Variants in ADAMTS5 observed in about 807,000 individuals in gnomAD.
ADAMTS5 encodes ADAM metallopeptidase with thrombospondin type 1 motif 5.
A neutral mutation model predicts 81.4 loss-of-function variants in ADAMTS5; 54 were observed. That is an observed-to-expected ratio of 0.66 (90% CI 0.53 to 0.83). The LOEUF is 0.83. Among genes scored for constraint, ADAMTS5 ranks in the 40% least tolerant of loss-of-function variants. The pLI is 0.00. For synonymous variants in ADAMTS5, 532 were observed against 508.8 expected (o/e 1.05, Z -0.61); for missense variants, 1,194 against 1,229.9 (o/e 0.97, Z 0.44).
rs79368861 is a variant in ADAMTS5 at position 26,962,597 on chromosome 21, A to G, written c.1104+2691T>C. On this transcript the variant is annotated intron_variant, in intron 1 of 7. Coordinates refer to ENST00000284987, the MANE Select transcript of ADAMTS5 (RefSeq NM_007038.5). ...ATCCTCGTACATTCGCTTCATGCCT[A>G]AAAAACAAGCAATTTAGGAGAAGAC... 6.3e-3 allele frequency among the ~76,000 whole-genome samples: 958 copies of G among 152,310 alleles called. 8 individuals carry two copies. Among genetic ancestry groups the G allele is most frequent in the African/African-American group, 0.022 (902 of 41,562 alleles).
At chr21:26,928,119 C>A (rs1986837653) in intron 7 of ADAMTS5, among the ~76,000 whole-genome samples, 1 of 151,930 alleles carries the variant, frequency 6.6e-6, no homozygotes, top group Non-Finnish European at 1.5e-5. Flanking sequence ...TTTTATTAAC[C>A]ATATGATAAT....
chr21:26,955,597 T>C (rs940529913), intron 1 of ADAMTS5, among the ~76,000 whole-genome samples: 7 of 152,288 alleles, frequency 4.6e-5, no homozygotes, highest in African/African-American at 1.7e-4. Context: ...GGAACATGAT[T>C]CCACCCCAAT....
chr21:26,939,420 G>T (rs1303005894), intron 3 of ADAMTS5, among the ~76,000 whole-genome samples: 1 of 152,170 alleles, frequency 6.6e-6, no homozygotes, highest in Non-Finnish European at 1.5e-5. Flanking sequence ...CAACCATAGT[G>T]TTGGCTTTGA....
Position 26,966,699 on chromosome 21 carries a change from A to G in ADAMTS5, c.-308T>C, listed in dbSNP as rs1399790246. ...ATAGTGGAGATTCAGCAAATACGGG[A>G]AAAGGAAAAAAACAAAAACCAAAAA... is the stretch of plus-strand genomic sequence containing the variant. On this transcript the variant is annotated 5_prime_UTR_variant, in exon 1 of 8. Transcript: ENST00000284987. 2.0e-5 allele frequency among the ~76,000 whole-genome samples: 3 copies of G among 150,980 alleles called. No individual in the cohort carries two copies. Among genetic ancestry groups the G allele is most frequent in the Non-Finnish European group, 4.4e-5 (3 of 67,876 alleles).
In ADAMTS5 at chr21:26,929,946, C is replaced by A. The variant is rs1327486689; in HGVS notation, c.2165G>T (p.Gly722Val). 6.2e-7 allele frequency: 1 copy of A among 1,614,158 alleles called. No individual in the cohort carries two copies. The highest frequency in any genetic ancestry group is 2.2e-5 in the East Asian group (1 of 44,886). The change falls in exon 7 of 8, where the codon GGA (glycine) becomes GTA (valine). Residue 722 changes from glycine (G) to valine (V), a missense_variant. This residue lies in a region of ADAMTS5 where 696 missense variants were observed against 817.6 expected (regional missense o/e 0.85). Transcript: ENST00000284987. ...GCTGGAGTTGTCTCCTCCACATACT[C>A]CGCACTTGTCATACTGCAGCTTTGA... is the stretch of plus-strand genomic sequence containing the variant. Reference protein sequence around the residue: ...IGSKLQYDKCGVCGGDNSSCT... With the variant: ...IGSKLQYDKCVVCGGDNSSCT...
rs229078 is a variant in ADAMTS5 at position 26,923,816 on chromosome 21, G to T, written c.*237C>A. The T allele has an allele frequency of 0.26, 118,341 of 453,154 alleles. 18,272 individuals are homozygous for T. Among genetic ancestry groups the T allele is most frequent in the Non-Finnish European group, 0.33 (82,864 of 253,332 alleles). 28.1% of individuals were successfully genotyped at this position (453,154 alleles called of 1,614,324 possible). A position where few individuals can be genotyped will look rare whatever the true frequency, so the allele number is the denominator to read the frequency against. ...TTACATTCATCAGTGTTTCTTGTAA[G>T]CCCAGGGGATGTTCAATAACTCCCA... is the stretch of plus-strand genomic sequence containing the variant. On this transcript the variant is annotated 3_prime_UTR_variant, in exon 8 of 8. Coordinates refer to ENST00000284987, the MANE Select transcript of ADAMTS5 (RefSeq NM_007038.5).
intron 3 of ADAMTS5, among the ~76,000 whole-genome samples, chr21:26,935,357 T>A (rs1305549629): frequency 6.6e-6 from 1 of 152,202 alleles, no homozygotes; most frequent in African/African-American, 2.4e-5. Context: ...ACTAGGTATC[T>A]GAAATACAGA....
chr21:26,956,827 T>A (rs1987436324), intron 1 of ADAMTS5, among the ~76,000 whole-genome samples: 1 of 152,176 alleles, frequency 6.6e-6, no homozygotes, highest in Non-Finnish European at 1.5e-5. Flanking sequence ...TAAACTAGAT[T>A]CTTAATATCT....
chr21:26,966,641 GGGGGA>G lies in ADAMTS5; in HGVS notation c.-255_-251del, dbSNP rs1359661575. 292 of 118,846 alleles carry G rather than the reference GGGGGA, an allele frequency of 2.5e-3. 4 individuals carry two copies. The highest frequency in any genetic ancestry group is 2.1e-3 in the Non-Finnish European group (127 of 61,510). The allele number at this position is 118,846 out of a possible 1,614,324, so 7.4% of individuals were successfully genotyped here. On this transcript the variant is annotated 5_prime_UTR_variant, in exon 1 of 8. Transcript: ENST00000284987. ...TCCAGAAAGAGGTGGGGTGGGGGGG[GGGGGA>G]AAGAAAAGATTAAAAAAAAAAAGTC...
Position 26,924,609 on chromosome 21 carries a change from G to A in ADAMTS5, c.2237C>T (p.Thr746Ile), listed in dbSNP as rs868138717. 1 of 1,610,416 alleles carries A rather than the reference G, an allele frequency of 6.2e-7. No homozygotes were observed. Among genetic ancestry groups the A allele is most frequent in the South Asian group, 1.1e-5 (1 of 90,666 alleles). Reference protein sequence around the residue: ...GTFNKKSKGYTDVVRIPEGAT... With the variant: ...GTFNKKSKGYIDVVRIPEGAT... ...CCCTTCAGGAATCCTCACCACGTCA[G>A]TGTAACCCTTACTGGAAGTAGGAAT... is the stretch of plus-strand genomic sequence containing the variant. Residue 746 changes from threonine (T) to isoleucine (I), a missense_variant, in exon 8 of 8, where the codon ACT becomes ATT. Thr to Ile is a moderately conservative substitution (Grantham distance 89). Coordinates refer to ENST00000284987, the MANE Select transcript of ADAMTS5 (RefSeq NM_007038.5).
Position 26,929,895 on chromosome 21 carries a change from T to C in ADAMTS5, c.2216A>G (p.Asn739Ser), listed in dbSNP as rs1244081006. The change falls in exon 7 of 8, where the codon AAT becomes AGT. Residue 739 changes from asparagine to serine, a missense_variant. By Grantham distance (46) the Asn-to-Ser change is conservative. Around this residue, in one of 2 missense-constraint regions of ADAMTS5, gnomAD observed 696 missense variants for 817.6 expected, o/e 0.85. Coordinates refer to ENST00000284987, the MANE Select transcript of ADAMTS5 (RefSeq NM_007038.5). ...SSCTKIVGTF[N>S]KKSKGYTDVV... is the part of the protein sequence containing the mutation. ...GGTTCTATCATATTACCTTTTCTTA[T>C]TAAAGGTTCCAACAATCTTTGTACA... 4.3e-6 allele frequency: 7 copies of C among 1,613,734 alleles called. No individual in the cohort carries two copies. Among genetic ancestry groups the C allele is most frequent in the African/African-American group, 4.0e-5 (3 of 74,944 alleles).
At chr21:26,953,319 C>G (rs1261871096) in intron 2 of ADAMTS5, among the ~76,000 whole-genome samples, 1 of 152,186 alleles carries the variant, frequency 6.6e-6, no homozygotes, top group Admixed American at 6.5e-5. Flanking sequence ...CTGAATTATT[C>G]TCAGTGATGC....
chr21:26,965,494 T>C lies in ADAMTS5; in HGVS notation c.898A>G (p.Arg300Gly). 2 of 1,614,234 alleles carry C rather than the reference T, an allele frequency of 1.2e-6. No homozygotes were observed. Among genetic ancestry groups the C allele is most frequent in the Non-Finnish European group, 1.7e-6 (2 of 1,180,032 alleles). The change falls in exon 1 of 8, where the codon AGG (arginine) becomes GGG (glycine). Residue 300 changes from arginine (R) to glycine (G), a missense_variant. Physicochemically the swap from Arg to Gly is moderately radical, Grantham distance 125. Around this residue, in one of 2 missense-constraint regions of ADAMTS5, gnomAD observed 696 missense variants for 817.6 expected, o/e 0.85. Coordinates refer to ENST00000284987, the MANE Select transcript of ADAMTS5 (RefSeq NM_007038.5). ...YLLTLASIANRLYSHASIENH... is the reference protein window; with the variant it reads ...YLLTLASIANGLYSHASIENH... ...TCGATGCTAGCATGGCTGTACAGCC[T>C]ATTGGCGATGGAGGCCAGGGTCAGC... is the stretch of plus-strand genomic sequence containing the variant.
rs774318622 is a variant in ADAMTS5 at position 26,954,755 on chromosome 21, A to G, written c.1221T>C (p.Thr407=). 1.4e-5 allele frequency: 23 copies of G among 1,613,938 alleles called. 1 individual carries two copies. In the South Asian group the frequency reaches 2.5e-4, roughly 18 times the overall value. The change falls in exon 2 of 8, where the codon ACT becomes ACC. Residue 407 remains threonine (T), a synonymous_variant. Transcript: ENST00000284987. ...IEDDGLHAAF[T]VAHEIGHLLG... ...GCTGCATACCGATTTCGTGAGCCAC[A>G]GTGAAGGCTGCGTGGAGGCCATCGT...
At chr21:26,928,622 C>T (rs999344857) in intron 7 of ADAMTS5, among the ~76,000 whole-genome samples, 22 of 131,944 alleles carry the variant, frequency 1.7e-4, no homozygotes, top group Non-Finnish European at 1.0e-4. Context: ...TCTTTCCTTC[C>T]TTCCTTCCTT....
intron 3 of ADAMTS5, among the ~76,000 whole-genome samples, chr21:26,940,654 T>C (rs570608731): frequency 4.6e-5 from 7 of 152,302 alleles, no homozygotes; most frequent in African/African-American, 1.7e-4. Context: ...TGTAAAATAC[T>C]AATAAATGGG....
At chr21:26,927,851 G>A (rs1389305577) in intron 7 of ADAMTS5, among the ~76,000 whole-genome samples, 6 of 151,804 alleles carry the variant, frequency 4.0e-5, no homozygotes, top group African/African-American at 1.5e-4. Context: ...ACGGTGGTGA[G>A]GGGCACCCAG....
At chr21:26,931,521 G>T (rs766939283) in intron 6 of ADAMTS5, among the ~76,000 whole-genome samples, 7 of 152,160 alleles carry the variant, frequency 4.6e-5, no homozygotes, top group Non-Finnish European at 1.0e-4. Context: ...TAACTAGAGG[G>T]ACATTGATTC....
chr21:26,937,426 T>G (rs1015387171), intron 3 of ADAMTS5, among the ~76,000 whole-genome samples: 1 of 152,244 alleles, frequency 6.6e-6, no homozygotes, highest in Non-Finnish European at 1.5e-5. Context: ...TAATGTGTTA[T>G]GCCAATGTTC....
Sources: gnomAD v4.1 joint callset for allele counts (sites outside exome capture counted in the v4.1 genomes callset) on GRCh38, gnomAD v4.1.1 for gene constraint, gnomAD v4.1.1 regional missense constraint, MANE v1.5 for transcripts, NCBI Gene and HGNC (gene_info 2026-07-23, HGNC 2026-07-21) for gene names.